Variants in SHTN1 observed in about 807,000 individuals in gnomAD.
SHTN1 encodes shootin 1.
In SHTN1, 42 loss-of-function variants were observed where a neutral mutation model predicts 83.1. That is an observed-to-expected ratio of 0.51 (90% CI 0.39 to 0.65). The LOEUF is 0.65. SHTN1 is among the 30% of genes least tolerant of loss of function. The pLI, the probability that SHTN1 is intolerant of heterozygous loss-of-function variation, is 0.00. For missense variants in SHTN1, 622 were observed against 737.8 expected, an observed-to-expected ratio of 0.84 and a Z score of 1.82; for synonymous variants, 224 against 247.7, an observed-to-expected ratio of 0.90 and a Z score of 0.90.
rs771111307 is a variant in SHTN1, at chr10:116,945,012, A to G, written c.623T>C (p.Met208Thr). 8 of 1,585,074 alleles carry G rather than the reference A, an allele frequency of 5.0e-6. No individual in the cohort carries two copies. In the Admixed American group the frequency reaches 8.4e-5, roughly 17 times the overall value. ...CTCCTCATACTCTTCTACAGCTAACATGGACACTTAAGAAGATAAAGGAAA... is the reference window on the plus strand; with the variant it reads ...CTCCTCATACTCTTCTACAGCTAACGTGGACACTTAAGAAGATAAAGGAAA... ...KVLEKCNRVS[M>T]LAVEEYEEMQ... Residue 208 changes from methionine to threonine, a missense_variant, in exon 8 of 17, where the codon ATG (methionine) becomes ACG (threonine). Physicochemically the swap from Met to Thr is moderately conservative, Grantham distance 81 (BLOSUM62 -1). This residue lies in a region of SHTN1 where 383 missense variants were observed against 455.8 expected (regional missense o/e 0.84). Coordinates refer to ENST00000355371, the MANE Select transcript of SHTN1 (RefSeq NM_001127211.3).
intron 1 of SHTN1, among the ~76,000 whole-genome samples, chr10:117,117,140 A>G (rs1853860848): frequency 6.6e-6 from 1 of 152,132 alleles, no homozygotes; most frequent in Admixed American, 6.5e-5. Context: ...GGCAACATTG[A>G]TCTTATACTT....
At chr10:116,947,130 G>A (rs746305156) in intron 7 of SHTN1, among the ~76,000 whole-genome samples, 2 of 152,104 alleles carry the variant, frequency 1.3e-5, no homozygotes, top group Non-Finnish European at 2.9e-5. Flanking sequence ...CTGCAAGACC[G>A]AAAGCTTCAA....
chr10:117,040,920 C>A (rs1477523378), intron 2 of SHTN1, among the ~76,000 whole-genome samples: 5 of 150,910 alleles, frequency 3.3e-5, no homozygotes, highest in African/African-American at 4.9e-5. Flanking sequence ...AACTCTTTTT[C>A]TTTTATTATA....
chr10:117,077,443 A>G (rs751078757), intron 1 of SHTN1, among the ~76,000 whole-genome samples: 1 of 152,126 alleles, frequency 6.6e-6, no homozygotes, highest in Non-Finnish European at 1.5e-5. Flanking sequence ...ATTGGGAGCA[A>G]TCACCAAAAT....
intron 1 of SHTN1, among the ~76,000 whole-genome samples, chr10:117,118,097 G>A (rs766126971): frequency 3.3e-5 from 5 of 152,074 alleles, no homozygotes; most frequent in Admixed American, 6.6e-5. Context: ...ACAAAGTGAA[G>A]AGACAACCCA....
At chr10:117,107,420 C>G (rs576745347) in intron 1 of SHTN1, among the ~76,000 whole-genome samples, 5 of 151,358 alleles carry the variant, frequency 3.3e-5, no homozygotes, top group African/African-American at 1.2e-4. Context: ...TCACATACTC[C>G]GTTCCGCAAT....
chr10:117,011,449 G>A (rs1852101778), intron 2 of SHTN1, among the ~76,000 whole-genome samples: 1 of 152,096 alleles, frequency 6.6e-6, no homozygotes, highest in African/African-American at 2.4e-5. Flanking sequence ...TATTCTATTA[G>A]TCAATATGTC....
chr10:116,941,755 A>G (rs1439667778), intron 8 of SHTN1, among the ~76,000 whole-genome samples: 7 of 152,216 alleles, frequency 4.6e-5, no homozygotes, highest in Non-Finnish European at 2.9e-5. Flanking sequence ...AGCTTTAATG[A>G]TTTATACAAT....
intron 1 of SHTN1, among the ~76,000 whole-genome samples, chr10:117,100,794 C>T (rs1351291547): frequency 2.0e-5 from 3 of 151,994 alleles, no homozygotes; most frequent in African/African-American, 2.4e-5. Context: ...AGAGTTGGCT[C>T]GGCAAAAAAT....
At chr10:116,994,896 G>A (rs959892174) in intron 1 of SHTN1, among the ~76,000 whole-genome samples, 1 of 151,952 alleles carries the variant, frequency 6.6e-6, no homozygotes, top group African/African-American at 2.4e-5. Context: ...TATTCTGCAT[G>A]CTAAATTATA....
intron 9 of SHTN1, among the ~76,000 whole-genome samples, chr10:116,934,643 C>T (rs1849089377): frequency 1.3e-5 from 2 of 151,986 alleles, no homozygotes; most frequent in Non-Finnish European, 2.9e-5. Flanking sequence ...ATTGTCTTGG[C>T]AATATGGGCT....
At chr10:116,953,623 G>GTTTTTTTTTTTTTTTT (rs759706275) in intron 5 of SHTN1, among the ~76,000 whole-genome samples, 4 of 92,720 alleles carry the variant, frequency 4.3e-5, no homozygotes, top group South Asian at 4.2e-4. Context: ...TTTGTGTTTT[G>GTTTTTTTTTTTTTTTT]TTTTTTTTTT....
intron 1 of SHTN1, among the ~76,000 whole-genome samples, chr10:116,985,761 G>C (rs1851197589): frequency 6.6e-6 from 1 of 152,180 alleles, no homozygotes; most frequent in Admixed American, 6.5e-5. Context: ...GATACTCAGG[G>C]AGTTTTGAGA....
intron 10 of SHTN1, among the ~76,000 whole-genome samples, chr10:116,929,485 TTC>T (rs1848870071): frequency 6.6e-6 from 1 of 152,170 alleles, no homozygotes; most frequent in African/African-American, 2.4e-5. Context: ...GTTTAATTCT[TTC>T]TAAAAATGCA....
intron 1 of SHTN1, among the ~76,000 whole-genome samples, chr10:117,067,549 C>A (rs535619675): frequency 6.6e-6 from 1 of 151,894 alleles, no homozygotes; most frequent in Admixed American, 6.6e-5. Flanking sequence ...GAGCCAAGAT[C>A]GCGCCACTGT....
chr10:116,941,954 A>G (rs1849386412), intron 8 of SHTN1, among the ~76,000 whole-genome samples: 1 of 152,220 alleles, frequency 6.6e-6, no homozygotes, highest in South Asian at 2.1e-4. Flanking sequence ...CTGCAGAATT[A>G]AAACACATTA....
chr10:117,118,640 A>T (rs4417186), intron 1 of SHTN1, among the ~76,000 whole-genome samples: 1 of 152,106 alleles, frequency 6.6e-6, no homozygotes, highest in Non-Finnish European at 1.5e-5. Context: ...CCAAAACATG[A>T]AATCAACCTA....
chr10:116,900,447 T>C (rs1166003106), intron 16 of SHTN1: 3 of 1,212,574 alleles, frequency 2.5e-6, no homozygotes, highest in Non-Finnish European at 2.3e-6. Flanking sequence ...ATTATTTCAT[T>C]TCCTTTCTTG....
chr10:117,087,352 C>A (rs537596489), intron 1 of SHTN1, among the ~76,000 whole-genome samples: 1 of 152,172 alleles, frequency 6.6e-6, no homozygotes, highest in Non-Finnish European at 1.5e-5. Flanking sequence ...ACAAAGATTT[C>A]ACACACAGAA....
Sources: allele counts gnomAD v4.1 joint callset (sites outside exome capture counted in the v4.1 genomes callset), GRCh38; gene constraint gnomAD v4.1.1; regional missense constraint gnomAD v4.1.1; transcripts MANE v1.5; gene names NCBI Gene and HGNC (gene_info 2026-07-23, HGNC 2026-07-21).